EPN2: variants seen among roughly 807,000 people sequenced by gnomAD.
EPN2 encodes epsin 2.
EPN2 carries 34 observed loss-of-function variants against 61.7 expected under a neutral mutation model. The ratio of observed to expected loss-of-function variants is 0.55; its 90% CI spans 0.42 to 0.73. The LOEUF is 0.73. Among genes scored for constraint, EPN2 ranks in the 30% least tolerant of loss-of-function variants. The pLI, the probability that EPN2 is intolerant of heterozygous loss-of-function variation, is 0.00. For missense variants in EPN2, 714 were observed against 839.2 expected (o/e 0.85, Z 1.84); for synonymous variants, 349 against 353.6 (o/e 0.99, Z 0.15).
At position 19,285,547 on chromosome 17, in the gene EPN2, C is replaced by A; in HGVS notation, c.596-73C>A. On this transcript the variant is annotated intron_variant, in intron 3 of 10. Transcript: ENST00000314728. This position sits in a 1 kb window ranked among gnomAD's most constrained non-coding sequence, Gnocchi z 4.5. ...GACCCCGAGTGGCCTTGGCCCGTACCTCCTGCAGGGGCTGCTGCGCACCCT... is the reference window on the plus strand; with the variant it reads ...GACCCCGAGTGGCCTTGGCCCGTACATCCTGCAGGGGCTGCTGCGCACCCT... The A allele has an allele frequency of 7.2e-7, 1 of 1,391,300 alleles. No homozygotes were observed. Among genetic ancestry groups the A allele is most frequent in the South Asian group, 1.6e-5 (1 of 60,846 alleles). 86.2% of individuals were successfully genotyped at this position (1,391,300 alleles called of 1,614,324 possible). A position where few individuals can be genotyped will look rare whatever the true frequency, so the allele number is the denominator to read the frequency against.
chr17:19,293,946 C>T (rs967836043), intron 4 of EPN2, among the ~76,000 whole-genome samples: 2 of 151,676 alleles, frequency 1.3e-5, no homozygotes, highest in Admixed American at 6.6e-5. Flanking sequence ...AAAAATTAGT[C>T]GGGTGTGGTG....
At chr17:19,266,074 A>G (rs2152209999) in intron 1 of EPN2, among the ~76,000 whole-genome samples, 1 of 152,098 alleles carries the variant, frequency 6.6e-6, no homozygotes, top group East Asian at 1.9e-4. Flanking sequence ...CCTCTGCCCT[A>G]ATCCTTTCTC....
chr17:19,239,241 G>A (rs1180371906), intron 1 of EPN2, among the ~76,000 whole-genome samples: 1 of 152,222 alleles, frequency 6.6e-6, no homozygotes, highest in Non-Finnish European at 1.5e-5. Flanking sequence ...TCCGCCTCCT[G>A]GGTTCAAGCG....
intron 4 of EPN2, among the ~76,000 whole-genome samples, chr17:19,298,472 G>C (rs1351051992): frequency 6.6e-6 from 1 of 152,182 alleles, no homozygotes; most frequent in African/African-American, 2.4e-5. Context: ...CAAAGTGTTG[G>C]AATTATAGGC....
intron 7 of EPN2, among the ~76,000 whole-genome samples, chr17:19,315,109 A>G (rs1484642658): frequency 6.6e-6 from 1 of 152,130 alleles, no homozygotes; most frequent in African/African-American, 2.4e-5. Context: ...TTACCTTTTT[A>G]TATTGTTTGG....
At chr17:19,277,887 A>G (rs1040229724) in intron 1 of EPN2, among the ~76,000 whole-genome samples, 1 of 152,106 alleles carries the variant, frequency 6.6e-6, no homozygotes, top group African/African-American at 2.4e-5. Flanking sequence ...CCTGGCTAAC[A>G]CGGTGAAACC....
Position 19,329,153 on chromosome 17 carries a change from C to G in EPN2, c.1324+266C>G, listed in dbSNP as rs550018253. 450 of 476,316 alleles carry G rather than the reference C, an allele frequency of 9.4e-4. 1 individual carries two copies. The highest frequency in any genetic ancestry group is 8.4e-3 in the African/African-American group (428 of 51,054). The allele number at this position is 476,316 out of a possible 1,614,324, so 29.5% of individuals were successfully genotyped here. A position where few individuals can be genotyped will look rare whatever the true frequency, so the allele number is the denominator to read the frequency against. ...GTTGAGAGAGAAGACTGCCCTGGGC[C>G]CACAGCCTGTGGGTCCTGTCCTCAC... On this transcript the variant is annotated intron_variant, in intron 8 of 10. Coordinates refer to ENST00000314728, the MANE Select transcript of EPN2 (RefSeq NM_014964.5).
chr17:19,285,474 G>A lies in EPN2; in HGVS notation c.596-146G>A, dbSNP rs1354547084. On this transcript the variant is annotated intron_variant, in intron 3 of 10. Coordinates refer to ENST00000314728, the MANE Select transcript of EPN2 (RefSeq NM_014964.5). The surrounding 1 kb of genome is among the most constrained non-coding windows in gnomAD (Gnocchi z 4.5). ...TGAGCTGCATGTTCAGGGTCAGAAT[G>A]TGGTCAGTGGGCTTTTCACAGCTTC... 5.5e-6 allele frequency: 7 copies of A among 1,278,382 alleles called. No individual in the cohort carries two copies. In the African/African-American group the frequency reaches 1.1e-4, roughly 20 times the overall value. 79.2% of individuals were successfully genotyped at this position (1,278,382 alleles called of 1,614,324 possible).
chr17:19,243,251 G>A (rs1308412795), intron 1 of EPN2, among the ~76,000 whole-genome samples: 1 of 132,070 alleles, frequency 7.6e-6, no homozygotes, highest in African/African-American at 2.9e-5. Flanking sequence ...ACAGAGTCTT[G>A]TTCTGTTGCC....
At chr17:19,265,495 A>G (rs3902291) in intron 1 of EPN2, among the ~76,000 whole-genome samples, 17 of 152,158 alleles carry the variant, frequency 1.1e-4, no homozygotes, top group Admixed American at 1.0e-3. Context: ...ACTGCTCTGC[A>G]TGGGGCAGAA....
chr17:19,247,606 G>A (rs562986028), intron 1 of EPN2, among the ~76,000 whole-genome samples: 11 of 152,320 alleles, frequency 7.2e-5, no homozygotes, highest in East Asian at 1.9e-4. Context: ...AGCTGGTGAC[G>A]GGTGGATGCC....
chr17:19,293,534 CTTTTT>C (rs71155390), intron 4 of EPN2, among the ~76,000 whole-genome samples: 2 of 52,452 alleles, frequency 3.8e-5, no homozygotes, highest in African/African-American at 8.4e-5. Context: ...CCATACCCAG[CTTTTT>C]TTTTTTTTTT....
At chr17:19,304,354 CAAGG>C (rs1905715684) in intron 4 of EPN2, among the ~76,000 whole-genome samples, 1 of 152,164 alleles carries the variant, frequency 6.6e-6, no homozygotes, top group Admixed American at 6.5e-5. Flanking sequence ...TGTTCAGTAA[CAAGG>C]AAGGAACTTA....
In EPN2 at chr17:19,307,694, A is replaced by G. The variant is rs536283345; in HGVS notation, c.767-2191A>G. ...TGTTTTGTGTGTTTTTAAGAATTTCATGACAGGGTGATGCCTCTGCTTGGC... is the reference window on the plus strand; with the variant it reads ...TGTTTTGTGTGTTTTTAAGAATTTCGTGACAGGGTGATGCCTCTGCTTGGC... On this transcript the variant is annotated intron_variant, in intron 4 of 10. Transcript: ENST00000314728. Among the ~76,000 whole-genome samples, 298 of 152,302 alleles carry G rather than the reference A, an allele frequency of 2.0e-3. 1 individual carries two copies. Among genetic ancestry groups the G allele is most frequent in the African/African-American group, 7.0e-3 (290 of 41,556 alleles).
At chr17:19,244,671 G>A (rs181000526) in intron 1 of EPN2, among the ~76,000 whole-genome samples, 2 of 152,172 alleles carry the variant, frequency 1.3e-5, no homozygotes, top group African/African-American at 2.4e-5. Context: ...CATCAAAACC[G>A]AATGTGCAGG....
intron 4 of EPN2, among the ~76,000 whole-genome samples, chr17:19,286,899 TG>T (rs1441684648): frequency 6.6e-6 from 1 of 152,188 alleles, no homozygotes; most frequent in Non-Finnish European, 1.5e-5. Flanking sequence ...CCAGAGGCAT[TG>T]GAGTTACATG....
intron 1 of EPN2, among the ~76,000 whole-genome samples, chr17:19,239,035 CTG>C (rs1360951372): frequency 2.0e-5 from 3 of 152,208 alleles, no homozygotes; most frequent in Admixed American, 2.0e-4. Context: ...AAGTTTTCAT[CTG>C]TATTTAAATG....
intron 4 of EPN2, chr17:19,304,045 G>A (rs1243963706): frequency 6.6e-6 from 1 of 152,272 alleles, no homozygotes; most frequent in Non-Finnish European, 1.5e-5. Context: ...GGAGGTTGAA[G>A]TGATCTGAGA....
intron 1 of EPN2, among the ~76,000 whole-genome samples, chr17:19,278,105 G>C (rs1369994590): frequency 2.6e-5 from 4 of 151,184 alleles, no homozygotes; most frequent in Non-Finnish European, 5.9e-5. Flanking sequence ...AAAGCCTCCA[G>C]TGACTTTTCT....
Sources: allele counts gnomAD v4.1 joint callset (sites outside exome capture counted in the v4.1 genomes callset), GRCh38; gene constraint gnomAD v4.1.1; non-coding constraint Gnocchi (gnomAD v3.1); transcripts MANE v1.5; gene names NCBI Gene and HGNC (gene_info 2026-07-23, HGNC 2026-07-21).